CDK14: variants seen among roughly 807,000 people sequenced by gnomAD.
The protein encoded by CDK14 is cyclin-dependent kinase 14.
A neutral mutation model predicts 60.7 loss-of-function variants in CDK14; 34 were observed. That is an observed-to-expected ratio of 0.56 (90% CI 0.43 to 0.75). The LOEUF is 0.75. Among genes scored for constraint, CDK14 ranks in the 30% least tolerant of loss-of-function variants. The probability of loss-of-function intolerance (pLI) is 0.00; values close to 1 mark genes in which losing one functional copy is unlikely to be tolerated. For synonymous variants in CDK14, 197 were observed against 203.7 expected, an observed-to-expected ratio of 0.97 and a Z score of 0.28; for missense variants, 482 against 564.1, an observed-to-expected ratio of 0.85 and a Z score of 1.47.
chr7:90,863,298 A>G (rs759874325), intron 6 of CDK14, 29 bp downstream of exon 6: 20 of 1,322,176 alleles, frequency 1.5e-5, no homozygotes, highest in African/African-American at 2.9e-5. Flanking sequence ...TTAAATTTAG[A>G]CATTTAAAAT....
chr7:91,187,829 G>A (rs1207077797), intron 14 of CDK14, among the ~76,000 whole-genome samples: 1 of 152,178 alleles, frequency 6.6e-6, no homozygotes. Flanking sequence ...GGGAAGACTG[G>A]TCACCCCACC....
At chr7:90,672,639 C>T (rs1005662016) in intron 2 of CDK14, among the ~76,000 whole-genome samples, 4 of 150,798 alleles carry the variant, frequency 2.7e-5, no homozygotes, top group African/African-American at 7.3e-5. Flanking sequence ...CCTTCCTCAC[C>T]GTCCTGAGTA....
intron 14 of CDK14, among the ~76,000 whole-genome samples, chr7:91,201,906 A>G (rs1271286585): frequency 2.0e-5 from 3 of 152,200 alleles, no homozygotes; most frequent in Non-Finnish European, 4.4e-5. Flanking sequence ...TTTTCCCCAA[A>G]GGCTTTGGCT....
intron 5 of CDK14, among the ~76,000 whole-genome samples, chr7:90,817,712 T>C (rs148242976): frequency 9.8e-5 from 15 of 152,308 alleles, no homozygotes; most frequent in Non-Finnish European, 1.9e-4. Context: ...AGTAGTCTCT[T>C]AGTAAGTGGT....
In CDK14 at chr7:90,985,568, G is replaced by A. The variant is rs118153252; in HGVS notation, c.1041+1327G>A. Among the ~76,000 whole-genome samples, 344 of 152,216 alleles carry A rather than the reference G, an allele frequency of 2.3e-3. 8 individuals carry two copies. In the East Asian group the frequency reaches 0.049, roughly 22 times the overall value. ...GTTAGACAAATTAAGTAAGCGCAACGTTTAAATACAGCTATCATATTAAGA... is the reference window on the plus strand; with the variant it reads ...GTTAGACAAATTAAGTAAGCGCAACATTTAAATACAGCTATCATATTAAGA... On this transcript the variant is annotated intron_variant, in intron 10 of 14. Transcript: ENST00000380050.
intron 9 of CDK14, among the ~76,000 whole-genome samples, chr7:90,980,943 T>A (rs1478376225): frequency 6.6e-6 from 1 of 152,162 alleles, no homozygotes; most frequent in African/African-American, 2.4e-5. Context: ...GTTCTGGCAA[T>A]GTAATAGTTA....
chr7:91,041,690 A>G (rs1237403010), intron 10 of CDK14, among the ~76,000 whole-genome samples: 4 of 152,204 alleles, frequency 2.6e-5, no homozygotes, highest in African/African-American at 7.2e-5. Flanking sequence ...AACTCCCTTG[A>G]TGAATTTTAC....
rs11411254 is a variant in CDK14 at position 90,738,907 on chromosome 7, T to TA, written c.370-8773dup. On this transcript the variant is annotated intron_variant, in intron 3 of 14. Coordinates refer to ENST00000380050, the MANE Select transcript of CDK14 (RefSeq NM_001287135.2). ...TCCTTCTGAATTATTCTTTTTTTTT[T>TA]ACTTATTTGATGGGAAGAATTTTAT... is the stretch of plus-strand genomic sequence containing the variant. Among the ~76,000 whole-genome samples the TA allele has an allele frequency of 1.6e-4, 25 of 151,836 alleles. 1 individual carries two copies. Among genetic ancestry groups the TA allele is most frequent in the African/African-American group, 5.8e-4 (24 of 41,438 alleles).
At chr7:91,175,391 C>A (rs1458819134) in intron 14 of CDK14, among the ~76,000 whole-genome samples, 1 of 151,936 alleles carries the variant, frequency 6.6e-6, no homozygotes, top group South Asian at 2.1e-4. Context: ...TAGGAAGAAA[C>A]TGCATCAACT....
chr7:91,047,747 A>G (rs1294492526), intron 11 of CDK14, among the ~76,000 whole-genome samples: 1 of 152,226 alleles, frequency 6.6e-6, no homozygotes, highest in Non-Finnish European at 1.5e-5. Flanking sequence ...GGCAAAGCTC[A>G]GGGCTGTGAA....
chr7:90,990,747 T>C (rs961299906), intron 10 of CDK14, among the ~76,000 whole-genome samples: 2 of 152,244 alleles, frequency 1.3e-5, no homozygotes, highest in Non-Finnish European at 2.9e-5. Flanking sequence ...GAAAATGTTA[T>C]TTTAATTATA....
intron 4 of CDK14, among the ~76,000 whole-genome samples, chr7:90,785,673 G>C (rs1584890941): frequency 6.6e-6 from 1 of 151,282 alleles, no homozygotes; most frequent in African/African-American, 2.4e-5. Flanking sequence ...TGTAGTCCCA[G>C]CTACTCGGGA....
chr7:90,716,148 G>A (rs1345851136), intron 2 of CDK14, among the ~76,000 whole-genome samples: 10 of 151,976 alleles, frequency 6.6e-5, no homozygotes, highest in African/African-American at 2.4e-4. Context: ...AATGTTTTTA[G>A]TGGAAACAGT....
chr7:91,098,043 A>G (rs1274002532), intron 12 of CDK14, among the ~76,000 whole-genome samples: 5 of 152,284 alleles, frequency 3.3e-5, no homozygotes, highest in African/African-American at 9.6e-5. Flanking sequence ...GGATTCTGAC[A>G]TTTCTTTCTT....
intron 2 of CDK14, among the ~76,000 whole-genome samples, chr7:90,638,000 C>G (rs959157783): frequency 7.0e-6 from 1 of 143,346 alleles, no homozygotes; most frequent in African/African-American, 2.6e-5. Context: ...GATCTTCATC[C>G]TTTTATTTTG....
At chr7:90,696,336 C>CTTCTTTTT (rs772009194) in intron 2 of CDK14, among the ~76,000 whole-genome samples, 10 of 125,694 alleles carry the variant, frequency 8.0e-5, no homozygotes, top group African/African-American at 2.8e-4. Flanking sequence ...ACTTCTTCTT[C>CTTCTTTTT]TTTTTTTTTT....
intron 8 of CDK14, among the ~76,000 whole-genome samples, chr7:90,926,812 A>G (rs958533828): frequency 6.6e-6 from 1 of 152,172 alleles, no homozygotes; most frequent in Non-Finnish European, 1.5e-5. Context: ...TGCCAGTTGC[A>G]AGTCCTGGAC....
At chr7:90,635,881 A>G (rs2116420136) in intron 2 of CDK14, among the ~76,000 whole-genome samples, 1 of 151,938 alleles carries the variant, frequency 6.6e-6, no homozygotes, top group South Asian at 2.1e-4. Flanking sequence ...TAGATATTTT[A>G]TTCTCTTTGA....
intron 2 of CDK14, among the ~76,000 whole-genome samples, chr7:90,642,244 A>T (rs1440562805): frequency 3.3e-5 from 5 of 152,228 alleles, no homozygotes; most frequent in Non-Finnish European, 7.3e-5. Context: ...ATATGCCAGA[A>T]ATGACATACT....
Sources: allele counts gnomAD v4.1 joint callset (sites outside exome capture counted in the v4.1 genomes callset), GRCh38; gene constraint gnomAD v4.1.1; transcripts MANE v1.5; gene names NCBI Gene and HGNC (gene_info 2026-07-23, HGNC 2026-07-21).